Variants in POM121 observed in about 807,000 individuals in gnomAD.
POM121 encodes nuclear envelope pore membrane protein POM 121.
POM121 carries 32 observed loss-of-function variants against 81.3 expected under a neutral mutation model. The ratio of observed to expected loss-of-function variants is 0.39; its 90% CI spans 0.30 to 0.53. POM121 has a LOEUF of 0.53. Ranked by LOEUF, POM121 falls within the 20% of genes least tolerant of loss-of-function variation. The pLI is 0.66. For missense variants in POM121, 1,138 were observed against 1,614.6 expected (o/e 0.70, Z 5.06); for synonymous variants, 514 against 694.2 (o/e 0.74, Z 4.08).
At chr7:72,881,066 CTTTTTTTT>C (rs3973810) in intron 1 of POM121, among the ~76,000 whole-genome samples, 1 of 47,196 alleles carries the variant, frequency 2.1e-5, no homozygotes, top group African/African-American at 5.4e-5. Flanking sequence ...CCCTATCACT[CTTTTTTTT>C]TTTTTTTTTT....
intron 5 of POM121, 134 bp downstream of exon 5, chr7:72,930,245 A>G: frequency 1.6e-6 from 2 of 1,278,004 alleles, no homozygotes; most frequent in Non-Finnish European, 2.1e-6. Flanking sequence ...GCTTGAGCCC[A>G]GGAGTTCAAA....
intron 3 of POM121, among the ~76,000 whole-genome samples, chr7:72,901,500 G>A (rs868969297): frequency 2.0e-5 from 3 of 151,184 alleles, no homozygotes; most frequent in African/African-American, 4.9e-5. Context: ...GATTACAGGC[G>A]CCCGCCACCG....
chr7:72,928,561 T>C, intron 4 of POM121, 96 bp downstream of exon 4: 1 of 1,435,990 alleles, frequency 7.0e-7, no homozygotes, highest in South Asian at 1.2e-5. Context: ...TTTTTTGCAT[T>C]GCTTAATTGG....
chr7:72,933,800 T>C, intron 5 of POM121, among the ~76,000 whole-genome samples: 1 of 152,276 alleles, frequency 6.6e-6, no homozygotes, highest in Non-Finnish European at 1.5e-5. Flanking sequence ...GGAAACAATG[T>C]ACATGTTATC....
exon 2 of POM121, chr7:72,890,671 G>A: frequency 6.2e-7 from 1 of 1,601,684 alleles, no homozygotes; most frequent in African/African-American, 1.3e-5. Flanking sequence ...TCACCCAGGA[G>A]GAGTGGTGGC....
intron 3 of POM121, among the ~76,000 whole-genome samples, chr7:72,911,198 G>A (rs1554494230): frequency 1.3e-5 from 2 of 152,172 alleles, no homozygotes; most frequent in Admixed American, 6.5e-5. Context: ...TGGCCAGGCT[G>A]GTCTCAAACT....
At position 72,884,363 on chromosome 7, in the gene POM121, A is replaced by G. The variant is rs532710810; in HGVS notation, c.-521+4478A>G. Among the ~76,000 whole-genome samples, 7 of 152,124 alleles carry G rather than the reference A, an allele frequency of 4.6e-5. No individual in the cohort carries two copies. In the East Asian group the frequency reaches 9.6e-4, roughly 21 times the overall value. On this transcript the variant is annotated intron_variant, in intron 1 of 15. Coordinates refer to the POM121 transcript ENST00000395270. The stretch of plus-strand genomic sequence containing the variant: ...AAACAGATAGTAAATGTTTCAGTAC[A>G]TAGAAGTTGTGATTCTTTTTGAAAA...
chr7:72,923,389 G>A (rs1795012101), upstream of POM121, among the ~76,000 whole-genome samples: 3 of 151,872 alleles, frequency 2.0e-5, no homozygotes, highest in South Asian at 6.2e-4. Flanking sequence ...TCAGCTCCAG[G>A]AGCACTTCCC....
In POM121 at chr7:72,943,100, C is replaced by T. The variant is rs782737851; in HGVS notation, c.3107C>T (p.Ser1036Leu). Residue 1036 changes from serine to leucine, a missense_variant, in exon 11 of 13, where the codon TCG (serine) becomes TTG (leucine). Around this residue, in one of 7 missense-constraint regions of POM121, gnomAD observed 336 missense variants for 344.3 expected, o/e 0.98. Transcript: ENST00000434423. The part of the protein sequence containing the change: ...IHPIFGGATH[S>L]AFGLKATASA... Reference sequence around the variant, plus strand: ...CCTATCTTTGGCGGTGCCACGCACTCGGCGTTTGGGTTGAAAGCCACGGCT... The same window carrying T: ...CCTATCTTTGGCGGTGCCACGCACTTGGCGTTTGGGTTGAAAGCCACGGCT... 6.5e-5 allele frequency: 105 copies of T among 1,613,424 alleles called. No homozygotes were observed. The highest frequency in any genetic ancestry group is 8.0e-5 in the Non-Finnish European group (94 of 1,179,782).
chr7:72,943,146 C>A lies in POM121; in HGVS notation c.3153C>A (p.Ala1051=). The change falls in exon 11 of 13, where the codon GCC becomes GCA. Residue 1051 remains alanine (A), a synonymous_variant. Coordinates refer to ENST00000434423, the MANE Select transcript of POM121 (RefSeq NM_001387691.1). ...CGGCTTCGGCCTTCGGCGCTCCCGC[C>A]AGCTCACAGCCCGCCTTTGGCGGCT... ...KATASAFGAP[A]SSQPAFGGST... The A allele has an allele frequency of 6.2e-7, 1 of 1,613,426 alleles. No individual in the cohort carries two copies. Among genetic ancestry groups the A allele is most frequent in the Non-Finnish European group, 8.5e-7 (1 of 1,179,750 alleles).
At chr7:72,898,947 T>TTGTGTTTC (rs1410964948) in intron 3 of POM121, among the ~76,000 whole-genome samples, 3 of 151,290 alleles carry the variant, frequency 2.0e-5, no homozygotes, top group South Asian at 2.1e-4. Context: ...CTGTTTTATT[T>TTGTGTTTC]TGTGTTTCTG....
At chr7:72,889,978 T>G (rs1554490623) in intron 1 of POM121, among the ~76,000 whole-genome samples, 2 of 152,268 alleles carry the variant, frequency 1.3e-5, no homozygotes, top group Admixed American at 1.3e-4. Flanking sequence ...AAAGTTAAAC[T>G]AATTTGATCC....
chr7:72,913,452 C>T (rs1793996898), intron 3 of POM121, among the ~76,000 whole-genome samples: 2 of 152,182 alleles, frequency 1.3e-5, no homozygotes, highest in African/African-American at 4.8e-5. Context: ...ATACTGGGGC[C>T]AGGGAGCAGG....
chr7:72,913,934 A>G (rs1446276574), intron 4 of POM121: 3 of 152,062 alleles, frequency 2.0e-5, no homozygotes, highest in Admixed American at 6.6e-5. Flanking sequence ...CTCTCATAAC[A>G]TGACCGTGTC....
intron 3 of POM121, among the ~76,000 whole-genome samples, chr7:72,905,374 C>T (rs1554493266): frequency 1.3e-5 from 2 of 152,132 alleles, no homozygotes; most frequent in Non-Finnish European, 2.9e-5. Flanking sequence ...GGTCACAGAA[C>T]ATATTTTGTA....
chr7:72,928,764 A>T (rs1190702573), intron 4 of POM121, among the ~76,000 whole-genome samples: 1 of 152,260 alleles, frequency 6.6e-6, no homozygotes, highest in African/African-American at 2.4e-5. Flanking sequence ...TGGATAAAAC[A>T]GTATGAAACC....
intron 6 of POM121, 79 bp downstream of exon 6, chr7:72,938,760 C>G (rs1167814064): frequency 6.1e-6 from 9 of 1,487,434 alleles, no homozygotes; most frequent in East Asian, 2.3e-5. Flanking sequence ...GAACCTGGCT[C>G]TTAGGCTTTG....
At chr7:72,909,952 G>A (rs1554494006) in intron 3 of POM121, among the ~76,000 whole-genome samples, 1 of 152,210 alleles carries the variant, frequency 6.6e-6, no homozygotes, top group African/African-American at 2.4e-5. Context: ...CAGCCCTGGA[G>A]GCCAGTTTGA....
intron 5 of POM121, among the ~76,000 whole-genome samples, chr7:72,934,712 G>A (rs1373768060): frequency 1.3e-5 from 2 of 152,046 alleles, no homozygotes; most frequent in African/African-American, 2.4e-5. Flanking sequence ...TGGTGTTGGT[G>A]GTTTTTGTTG....
Sources: allele counts gnomAD v4.1 joint callset (sites outside exome capture counted in the v4.1 genomes callset), GRCh38; gene constraint gnomAD v4.1.1; regional missense constraint gnomAD v4.1.1; transcripts MANE v1.5; gene names NCBI Gene and HGNC (gene_info 2026-07-23, HGNC 2026-07-21).